The following GSG1L variants were observed in gnomAD, a reference collection of about 807,000 sequenced individuals.
GSG1L encodes GSG1 like, also known as germ cell-specific gene 1-like protein.
In GSG1L, 24 loss-of-function variants were observed where a neutral mutation model predicts 42.1. The observed-to-expected ratio is 0.57, with a 90% CI of 0.41 to 0.80. The LOEUF is 0.80. Among genes scored for constraint, GSG1L ranks in the 30% least tolerant of loss-of-function variants. The pLI is 0.00. For missense variants in GSG1L, 445 were observed against 472.2 expected, an observed-to-expected ratio of 0.94 and a Z score of 0.53; for synonymous variants, 215 against 203.5, an observed-to-expected ratio of 1.06 and a Z score of -0.48.
Position 27,854,451 on chromosome 16 carries a change from C to A in GSG1L, c.551-9390G>T, listed in dbSNP as rs184354275. 2.4e-3 allele frequency among the ~76,000 whole-genome samples: 372 copies of A among 152,270 alleles called. 3 individuals carry two copies. Among genetic ancestry groups the A allele is most frequent in the Non-Finnish European group, 3.5e-3 (237 of 68,016 alleles). The stretch of plus-strand genomic sequence containing the variant: ...GAGCAGGGCTTCCCTAAAAGGCCGC[C>A]GGCCTCCACTTCAAGCCCTTTCCAT... On this transcript the variant is annotated intron_variant, in intron 3 of 6. Coordinates refer to ENST00000447459, the MANE Select transcript of GSG1L (RefSeq NM_001109763.2).
chr16:27,930,701 A>G (rs1363906799), intron 2 of GSG1L, among the ~76,000 whole-genome samples: 1 of 152,172 alleles, frequency 6.6e-6, no homozygotes, highest in Non-Finnish European at 1.5e-5. Context: ...TAGGTCCTTA[A>G]AGGATGTCAT....
At chr16:27,897,491 G>A (rs2084204681) in intron 2 of GSG1L, among the ~76,000 whole-genome samples, 1 of 152,036 alleles carries the variant, frequency 6.6e-6, no homozygotes, top group Non-Finnish European at 1.5e-5. Flanking sequence ...GTAGAGATGA[G>A]GTCTCACCCT....
intron 2 of GSG1L, among the ~76,000 whole-genome samples, chr16:27,939,970 C>A (rs937432580): frequency 6.6e-6 from 1 of 152,108 alleles, no homozygotes; most frequent in South Asian, 2.1e-4. Context: ...CATAAGCCAT[C>A]GTGCCTGGCT....
At chr16:27,898,259 C>G (rs2084213666) in intron 2 of GSG1L, among the ~76,000 whole-genome samples, 2 of 152,292 alleles carry the variant, frequency 1.3e-5, no homozygotes, top group South Asian at 4.2e-4. Flanking sequence ...CTGGCCCACA[C>G]AGGCTGGGGG....
intron 3 of GSG1L, among the ~76,000 whole-genome samples, chr16:27,859,661 C>G (rs1159804807): frequency 6.6e-6 from 1 of 152,166 alleles, no homozygotes; most frequent in Non-Finnish European, 1.5e-5. Flanking sequence ...TTCTATCCCT[C>G]TTTATTTATT....
At chr16:27,831,817 A>T (rs2083277785) in intron 4 of GSG1L, among the ~76,000 whole-genome samples, 3 of 152,154 alleles carry the variant, frequency 2.0e-5, no homozygotes. Flanking sequence ...CCTGAGCTTG[A>T]TTTCTCAGGC....
At chr16:27,883,267 GA>G (rs10708292) in intron 3 of GSG1L, among the ~76,000 whole-genome samples, 92,060 of 148,942 alleles carry the variant, frequency 0.62, 28,691 homozygotes, top group Admixed American at 0.74. Context: ...AGATGGAGGG[GA>G]AAAAAAAAAG....
At chr16:27,886,002 C>T (rs1041381039) in intron 2 of GSG1L, among the ~76,000 whole-genome samples, 1 of 152,164 alleles carries the variant, frequency 6.6e-6, no homozygotes, top group Admixed American at 6.5e-5. Context: ...TCTCTGTCTA[C>T]ATGGATGCTT....
intron 1 of GSG1L, among the ~76,000 whole-genome samples, chr16:27,968,119 T>C (rs892298046): frequency 3.9e-5 from 6 of 152,150 alleles, no homozygotes; most frequent in African/African-American, 1.4e-4. Context: ...CTTCAAAACA[T>C]AATAATAAGA....
At position 28,040,200 on chromosome 16, in the gene GSG1L, C is replaced by T. The variant is rs563765168; in HGVS notation, c.349+22876G>A. On this transcript the variant is annotated intron_variant, in intron 1 of 6. Coordinates refer to ENST00000447459, the MANE Select transcript of GSG1L (RefSeq NM_001109763.2). This position sits in a 1 kb window ranked among gnomAD's most constrained non-coding sequence, Gnocchi z 4.1. ...CTCCTAACTGGACTCCAGCCATTCACGCCTCCCTTCAGGTCCCTCTCCCAC... is the reference window on the plus strand; with the variant it reads ...CTCCTAACTGGACTCCAGCCATTCATGCCTCCCTTCAGGTCCCTCTCCCAC... 1.3e-5 allele frequency among the ~76,000 whole-genome samples: 2 copies of T among 152,320 alleles called. No individual in the cohort carries two copies. The highest frequency in any genetic ancestry group is 6.5e-5 in the Admixed American group (1 of 15,302).
At chr16:28,005,693 G>A (rs1004651509) in intron 1 of GSG1L, among the ~76,000 whole-genome samples, 3 of 152,020 alleles carry the variant, frequency 2.0e-5, no homozygotes, top group South Asian at 2.1e-4. Flanking sequence ...CTGTGCCTCA[G>A]TTTCCTATTC....
At chr16:27,860,072 A>T (rs2083626304) in intron 3 of GSG1L, among the ~76,000 whole-genome samples, 1 of 152,090 alleles carries the variant, frequency 6.6e-6, no homozygotes, top group Non-Finnish European at 1.5e-5. Context: ...TAGGACTAGG[A>T]CACCCCTTCA....
chr16:27,802,188 A>G (rs1262687577), intron 6 of GSG1L, among the ~76,000 whole-genome samples: 1 of 152,102 alleles, frequency 6.6e-6, no homozygotes, highest in East Asian at 1.9e-4. Context: ...TCTCCCCAAC[A>G]AGACTTGGAA....
chr16:27,941,567 G>T (rs1267076770), intron 2 of GSG1L, among the ~76,000 whole-genome samples: 1 of 132,160 alleles, frequency 7.6e-6, no homozygotes, highest in African/African-American at 2.9e-5. Flanking sequence ...AGCTACTCAG[G>T]AGGCTGAGGC....
In GSG1L at chr16:27,828,885, A is replaced by G. The variant is rs1246915856; in HGVS notation, c.734T>C (p.Val245Ala). 6.2e-7 allele frequency: 1 copy of G among 1,614,114 alleles called. No individual in the cohort carries two copies. Residue 245 changes from valine to alanine, a missense_variant, in exon 5 of 7, where the codon GTC (valine) becomes GCC (alanine). Physicochemically the swap from Val to Ala is moderately conservative, Grantham distance 64. Transcript: ENST00000447459. ...VTTLNSYTKT[V>A]IEFRHKRKVF... ...CTTGCGCTTGTGCCGGAACTCAATG[A>G]CCGTCTTGGTGTAGGAGTTGAGCGT...
At chr16:28,032,116 T>C (rs752004103) in intron 1 of GSG1L, among the ~76,000 whole-genome samples, 2 of 152,220 alleles carry the variant, frequency 1.3e-5, no homozygotes, top group Non-Finnish European at 2.9e-5. Flanking sequence ...GCTCTTTTAC[T>C]GGAAGGTTCC....
intron 3 of GSG1L, among the ~76,000 whole-genome samples, chr16:27,864,097 T>A (rs1451049229): frequency 6.6e-6 from 1 of 152,162 alleles, no homozygotes; most frequent in Non-Finnish European, 1.5e-5. Flanking sequence ...CCAGCTTACA[T>A]CCTCTCCTCA....
At chr16:28,009,028 T>C (rs1385708849) in intron 1 of GSG1L, among the ~76,000 whole-genome samples, 1 of 152,104 alleles carries the variant, frequency 6.6e-6, no homozygotes, top group Non-Finnish European at 1.5e-5. Flanking sequence ...AGTCTGGTCT[T>C]GAAATCCTGA....
At chr16:27,991,374 A>T in intron 1 of GSG1L, among the ~76,000 whole-genome samples, 2 of 148,702 alleles carry the variant, frequency 1.3e-5, no homozygotes, top group East Asian at 2.0e-4. Flanking sequence ...TCTCTTTTTG[A>T]TTGTAGTATT....
Sources: allele counts gnomAD v4.1 joint callset (sites outside exome capture counted in the v4.1 genomes callset), GRCh38; gene constraint gnomAD v4.1.1; non-coding constraint Gnocchi (gnomAD v3.1); transcripts MANE v1.5; gene names NCBI Gene and HGNC (gene_info 2026-07-23, HGNC 2026-07-21).